Variants in PPP1R1C observed in about 807,000 individuals in gnomAD.
The protein encoded by PPP1R1C is protein phosphatase 1 regulatory subunit 1C.
In PPP1R1C, 15 loss-of-function variants were observed where a neutral mutation model predicts 17.4. That is an observed-to-expected ratio of 0.86 (90% CI 0.58 to 1.33). The LOEUF (loss-of-function observed/expected upper bound fraction) is 1.33, where lower values mean the gene tolerates loss of function less well. Ranked by LOEUF, PPP1R1C falls within the 40% of genes most tolerant of loss-of-function variation. PPP1R1C has a pLI of 0.00. For missense variants in PPP1R1C, 143 were observed against 130.0 expected, an observed-to-expected ratio of 1.10 and a Z score of -0.48; for synonymous variants, 35 against 43.1, an observed-to-expected ratio of 0.81 and a Z score of 0.73.
intron 4 of PPP1R1C, among the ~76,000 whole-genome samples, chr2:182,082,321 A>G (rs569893236): frequency 6.6e-6 from 1 of 152,342 alleles, no homozygotes; most frequent in East Asian, 1.9e-4. Context: ...ATTTTCTTTC[A>G]GGACTCAAAG....
intron 2 of PPP1R1C, among the ~76,000 whole-genome samples, chr2:182,018,522 T>C (rs1686324456): frequency 6.6e-6 from 1 of 152,188 alleles, no homozygotes; most frequent in Non-Finnish European, 1.5e-5. Context: ...AAAGTTTAGA[T>C]TGTTCAGGCC....
chr2:181,959,879 TTAA>T (rs1170516562), intron 1 of PPP1R1C, among the ~76,000 whole-genome samples: 12 of 152,262 alleles, frequency 7.9e-5, no homozygotes, highest in Admixed American at 2.6e-4. Flanking sequence ...CAGTATCCAG[TTAA>T]TAATGTTTTT....
chr2:182,041,960 A>G (rs906513000), intron 2 of PPP1R1C, among the ~76,000 whole-genome samples: 10 of 152,160 alleles, frequency 6.6e-5, no homozygotes, highest in Non-Finnish European at 1.3e-4. Flanking sequence ...ATGTGTTTGT[A>G]TCCCATTTTT....
Position 182,017,444 on chromosome 2 carries a change from G to C in PPP1R1C, c.142+29545G>C, listed in dbSNP as rs556363988. Among the ~76,000 whole-genome samples, 4 of 151,856 alleles carry C rather than the reference G, an allele frequency of 2.6e-5. No homozygotes were observed. In the South Asian group the frequency reaches 6.3e-4, roughly 24 times the overall value. ...TCAAAAGTTATACTTATTTCTCCTT[G>C]CTCATTGTTTTTGCTTATATGGCTT... On this transcript the variant is annotated intron_variant, in intron 2 of 4. Coordinates refer to ENST00000682840, the MANE Select transcript of PPP1R1C (RefSeq NM_001080545.3).
intron 2 of PPP1R1C, among the ~76,000 whole-genome samples, chr2:182,050,576 C>A (rs1286436585): frequency 6.6e-6 from 1 of 152,148 alleles, no homozygotes; most frequent in African/African-American, 2.4e-5. Context: ...AGATGCCAGC[C>A]TTACCTGGTT....
chr2:182,053,281 T>A (rs1687580852), intron 2 of PPP1R1C, among the ~76,000 whole-genome samples: 1 of 152,248 alleles, frequency 6.6e-6, no homozygotes, highest in Non-Finnish European at 1.5e-5. Context: ...TTATACAATG[T>A]ACAAATATTT....
intron 2 of PPP1R1C, among the ~76,000 whole-genome samples, chr2:181,991,874 T>A (rs1023603196): frequency 4.6e-5 from 7 of 151,930 alleles, no homozygotes; most frequent in East Asian, 1.9e-4. Context: ...TCCTATATAT[T>A]TTTTTTTATC....
chr2:182,128,495 AAAG>A (rs1689929937), intron 5 of PPP1R1C, among the ~76,000 whole-genome samples: 2 of 152,102 alleles, frequency 1.3e-5, no homozygotes, highest in South Asian at 2.1e-4. Flanking sequence ...GTAAAGGAAA[AAAG>A]AAGAGATGAG....
At chr2:181,989,536 G>T (rs551974729) in intron 2 of PPP1R1C, among the ~76,000 whole-genome samples, 1 of 152,188 alleles carries the variant, frequency 6.6e-6, no homozygotes, top group South Asian at 2.1e-4. Context: ...AGTCATTCAG[G>T]CCCTATAAAC....
chr2:182,067,548 G>A (rs1430565463), intron 4 of PPP1R1C, among the ~76,000 whole-genome samples: 1 of 152,054 alleles, frequency 6.6e-6, no homozygotes, highest in East Asian at 1.9e-4. Context: ...TGATCATGGT[G>A]ATTTCCTGGA....
intron 2 of PPP1R1C, among the ~76,000 whole-genome samples, chr2:181,995,241 A>G (rs957634002): frequency 2.0e-5 from 3 of 152,226 alleles, no homozygotes; most frequent in Non-Finnish European, 4.4e-5. Context: ...AAAATGTTGT[A>G]CAGTACACAG....
chr2:182,043,875 C>T (rs1249236886), intron 2 of PPP1R1C, among the ~76,000 whole-genome samples: 1 of 152,160 alleles, frequency 6.6e-6, no homozygotes, highest in Non-Finnish European at 1.5e-5. Context: ...AAATCTGTGT[C>T]TTCAGCTCCG....
intron 1 of PPP1R1C, among the ~76,000 whole-genome samples, chr2:181,956,082 G>C (rs113087863): frequency 6.6e-6 from 1 of 151,966 alleles, no homozygotes; most frequent in Non-Finnish European, 1.5e-5. Flanking sequence ...TGGCGTGTGA[G>C]GTTCCCCTCC....
chr2:182,062,827 C>A (rs1471658286), intron 3 of PPP1R1C, among the ~76,000 whole-genome samples: 1 of 152,042 alleles, frequency 6.6e-6, no homozygotes, highest in Non-Finnish European at 1.5e-5. Flanking sequence ...CTGGAACAAT[C>A]TTCAAAAAGT....
intron 4 of PPP1R1C, among the ~76,000 whole-genome samples, chr2:182,083,657 C>G (rs1040894470): frequency 1.3e-5 from 2 of 152,068 alleles, no homozygotes; most frequent in African/African-American, 4.8e-5. Flanking sequence ...TTTATCCGAT[C>G]ATTGGTTGAT....
chr2:182,000,612 T>C (rs1312328306), intron 2 of PPP1R1C, among the ~76,000 whole-genome samples: 2 of 152,116 alleles, frequency 1.3e-5, no homozygotes, highest in East Asian at 3.9e-4. Flanking sequence ...ATTAGAGATA[T>C]TATCTATAAG....
chr2:182,101,221 T>C (rs553356343), intron 4 of PPP1R1C, among the ~76,000 whole-genome samples: 5 of 152,310 alleles, frequency 3.3e-5, no homozygotes, highest in South Asian at 2.1e-4. Context: ...CAGCCTCCAA[T>C]TGTAGAAAAG....
chr2:182,049,057 G>T (rs1356919703), intron 2 of PPP1R1C, among the ~76,000 whole-genome samples: 2 of 152,170 alleles, frequency 1.3e-5, no homozygotes, highest in Non-Finnish European at 2.9e-5. Context: ...GGCAGGCCAG[G>T]CATGGAGGCT....
chr2:182,121,144 C>G (rs1382503678), downstream of PPP1R1C, among the ~76,000 whole-genome samples: 1 of 152,146 alleles, frequency 6.6e-6, no homozygotes, highest in Non-Finnish European at 1.5e-5. Flanking sequence ...AAAACAGAAA[C>G]TATATTTCCC....
Sources: allele counts gnomAD v4.1 joint callset (sites outside exome capture counted in the v4.1 genomes callset), GRCh38; gene constraint gnomAD v4.1.1; transcripts MANE v1.5; gene names NCBI Gene and HGNC (gene_info 2026-07-23, HGNC 2026-07-21).